The following SLC44A5 variants were observed in gnomAD, a reference collection of about 807,000 sequenced individuals.
The protein encoded by SLC44A5 is choline transporter-like protein 5.
In SLC44A5, 57 loss-of-function variants were observed where a neutral mutation model predicts 101.8. The observed-to-expected ratio is 0.56, with a 90% CI of 0.45 to 0.70. The LOEUF is 0.70. SLC44A5 is among the 30% of genes least tolerant of loss of function. SLC44A5 has a pLI of 0.00. For synonymous variants in SLC44A5, 281 were observed against 290.9 expected (o/e 0.97, Z 0.35); for missense variants, 737 against 853.1 (o/e 0.86, Z 1.70).
chr1:75,504,538 T>C (rs1030131264), intron 2 of SLC44A5, among the ~76,000 whole-genome samples: 1 of 152,154 alleles, frequency 6.6e-6, no homozygotes, highest in Non-Finnish European at 1.5e-5. Context: ...TAACCCCATA[T>C]TTATGAAATT....
chr1:75,695,792 T>C, the SLC44A5 span, among the ~76,000 whole-genome samples: 1 of 148,302 alleles, frequency 6.7e-6, no homozygotes, highest in African/African-American at 2.4e-5. Flanking sequence ...CATGATACTA[T>C]GTATACTGTA....
At chr1:75,722,692 C>T in the SLC44A5 span, among the ~76,000 whole-genome samples, 1 of 152,286 alleles carries the variant, frequency 6.6e-6, no homozygotes, top group South Asian at 2.1e-4. Context: ...AAGCAGGGAG[C>T]TCTCTTCTTC....
chr1:75,219,743 G>C (rs1647037413), intron 15 of SLC44A5, 57 bp downstream of exon 15: 2 of 1,087,114 alleles, frequency 1.8e-6, no homozygotes, highest in African/African-American at 1.6e-5. Flanking sequence ...ACAAACTCCT[G>C]GTTCACGAGT....
chr1:75,584,798 C>T (rs1054245335), intron 1 of SLC44A5, among the ~76,000 whole-genome samples: 4 of 151,968 alleles, frequency 2.6e-5, no homozygotes, highest in Non-Finnish European at 4.4e-5. Flanking sequence ...GGTTTCACCA[C>T]GTTGTCCAGG....
At chr1:75,344,111 G>A (rs1030554099) in intron 3 of SLC44A5, among the ~76,000 whole-genome samples, 3 of 152,012 alleles carry the variant, frequency 2.0e-5, no homozygotes, top group African/African-American at 7.2e-5. Context: ...TTCCCTTGGT[G>A]ATGGCTAAAG....
chr1:75,398,193 C>T (rs952737598), intron 2 of SLC44A5, among the ~76,000 whole-genome samples: 2 of 152,236 alleles, frequency 1.3e-5, no homozygotes, highest in Non-Finnish European at 2.9e-5. Flanking sequence ...CAACAAAATT[C>T]GAGGTTCATG....
intron 2 of SLC44A5, among the ~76,000 whole-genome samples, chr1:75,472,465 T>C (rs910037934): frequency 6.6e-6 from 1 of 152,188 alleles, no homozygotes; most frequent in African/African-American, 2.4e-5. Context: ...TTACAGTTCT[T>C]TTACATAAAT....
intron 1 of SLC44A5, among the ~76,000 whole-genome samples, chr1:75,559,299 A>G (rs1459992098): frequency 6.6e-6 from 1 of 152,046 alleles, no homozygotes; most frequent in Non-Finnish European, 1.5e-5. Flanking sequence ...GTGTTAAATG[A>G]TTTACAGAAT....
At chr1:75,601,434 ATGACGGGT>A (rs141783316) in intron 1 of SLC44A5, among the ~76,000 whole-genome samples, 25,313 of 150,898 alleles carry the variant, frequency 0.17, 2,784 homozygotes, top group Middle Eastern at 0.25. Context: ...CCTAATGTAA[ATGACGGGT>A]TGATGGGTGC....
rs1489978578 is a variant in SLC44A5 at position 75,532,017 on chromosome 1, C to CT, written c.13+9417_13+9418insA. 5.3e-3 allele frequency among the ~76,000 whole-genome samples: 802 copies of CT among 152,290 alleles called. 8 individuals are homozygous for CT. The highest frequency in any genetic ancestry group is 0.018 in the African/African-American group (760 of 41,564). On this transcript the variant is annotated intron_variant, in intron 2 of 23. Coordinates refer to ENST00000370859, the MANE Select transcript of SLC44A5 (RefSeq NM_001130058.2). ...CCAAACCATCAATGGAAACCATCAG[C>CT]ATCACCTGGAAACTTGTTAGAATGC...
chr1:75,530,607 G>C (rs1032727699), intron 2 of SLC44A5, among the ~76,000 whole-genome samples: 1 of 152,128 alleles, frequency 6.6e-6, no homozygotes, highest in Non-Finnish European at 1.5e-5. Context: ...GACAGATGTT[G>C]TGTCTCTTAA....
At chr1:75,570,819 A>G (rs967865379) in intron 1 of SLC44A5, among the ~76,000 whole-genome samples, 1 of 152,200 alleles carries the variant, frequency 6.6e-6, no homozygotes, top group African/African-American at 2.4e-5. Flanking sequence ...TTCTCTGATC[A>G]TACTAGAAAA....
intron 2 of SLC44A5, among the ~76,000 whole-genome samples, chr1:75,478,583 A>G (rs889595118): frequency 3.3e-5 from 5 of 152,168 alleles, no homozygotes; most frequent in Admixed American, 6.5e-5. Flanking sequence ...GAAAACAAAA[A>G]AAGGCAGGGG....
At chr1:75,637,391 A>G in the SLC44A5 span, among the ~76,000 whole-genome samples, 1 of 152,030 alleles carries the variant, frequency 6.6e-6, no homozygotes, top group African/African-American at 2.4e-5. Flanking sequence ...ACATTATACT[A>G]AGTGAAATAA....
chr1:75,417,776 GAGAGCCAA>G (rs1255881421), intron 2 of SLC44A5, among the ~76,000 whole-genome samples: 1 of 152,212 alleles, frequency 6.6e-6, no homozygotes, highest in Non-Finnish European at 1.5e-5. Flanking sequence ...AAGAAGGGCA[GAGAGCCAA>G]AGAGCCAAGG....
At chr1:75,383,417 C>T (rs1016370843) in intron 3 of SLC44A5, among the ~76,000 whole-genome samples, 15 of 151,674 alleles carry the variant, frequency 9.9e-5, no homozygotes, top group East Asian at 3.9e-4. Context: ...TCCCACCTTA[C>T]GAGAAACACC....
At chr1:75,307,027 C>G (rs1043791100) in intron 4 of SLC44A5, among the ~76,000 whole-genome samples, 1 of 152,026 alleles carries the variant, frequency 6.6e-6, no homozygotes, top group Non-Finnish European at 1.5e-5. Flanking sequence ...CGTGAGCCAC[C>G]GCGCCCGGCC....
chr1:75,244,948 A>G (rs2100618155), intron 7 of SLC44A5, among the ~76,000 whole-genome samples: 1 of 152,214 alleles, frequency 6.6e-6, no homozygotes, highest in African/African-American at 2.4e-5. Flanking sequence ...CTCATTGGCC[A>G]AATTGTAGCT....
intron 1 of SLC44A5, among the ~76,000 whole-genome samples, chr1:75,578,405 A>T (rs895124319): frequency 1.3e-5 from 2 of 152,200 alleles, no homozygotes; most frequent in Non-Finnish European, 1.5e-5. Flanking sequence ...CAAATAGATG[A>T]TTGATAGAGA....
Sources: allele counts gnomAD v4.1 joint callset (sites outside exome capture counted in the v4.1 genomes callset), GRCh38; gene constraint gnomAD v4.1.1; transcripts MANE v1.5; gene names NCBI Gene and HGNC (gene_info 2026-07-23, HGNC 2026-07-21).